GLIS3: variants seen among roughly 807,000 people sequenced by gnomAD.
GLIS3 encodes the protein GLIS family zinc finger 3, also known as zinc finger protein GLIS3.
In GLIS3, 53 loss-of-function variants were observed where a neutral mutation model predicts 78.6. That is an observed-to-expected ratio of 0.67 (90% confidence interval 0.54 to 0.85). The LOEUF is 0.85. GLIS3 is among the 40% of genes least tolerant of loss of function. GLIS3 has a pLI of 0.00. For missense variants in GLIS3, 1,703 were observed against 1,231.1 expected, an observed-to-expected ratio of 1.38 and a Z score of -5.74; for synonymous variants, 684 against 509.9, an observed-to-expected ratio of 1.34 and a Z score of -4.60.
intron 2 of GLIS3, among the ~76,000 whole-genome samples, chr9:4,338,050 G>A (rs1313257541): frequency 9.2e-6 from 1 of 108,566 alleles, no homozygotes; most frequent in Non-Finnish European, 2.1e-5. Flanking sequence ...GTGTGTGTGT[G>A]TGTGTGTGTG....
chr9:4,477,885 A>T, the GLIS3 span, among the ~76,000 whole-genome samples: 2 of 152,346 alleles, frequency 1.3e-5, no homozygotes, highest in Admixed American at 6.5e-5. Context: ...ATATTATACC[A>T]TAATAAAAAA....
At chr9:4,173,909 T>A (rs1425981225) in intron 2 of GLIS3, among the ~76,000 whole-genome samples, 1 of 128,792 alleles carries the variant, frequency 7.8e-6, no homozygotes, top group Non-Finnish European at 1.7e-5. Flanking sequence ...GAGTACCCAG[T>A]TAAAACACAC....
At chr9:4,431,320 C>T in the GLIS3 span, among the ~76,000 whole-genome samples, 7,642 of 152,252 alleles carry the variant, frequency 0.05, 273 homozygotes, top group Middle Eastern at 0.071. Context: ...ATCCTTACTT[C>T]GCTCTTGTAT....
chr9:4,086,326 T>C (rs1293204430), intron 4 of GLIS3, among the ~76,000 whole-genome samples: 3 of 152,194 alleles, frequency 2.0e-5, no homozygotes, highest in African/African-American at 7.2e-5. Context: ...GAGTCATTCA[T>C]TCCCTCCTCT....
chr9:3,952,142 T>A (rs567773916), intron 4 of GLIS3, among the ~76,000 whole-genome samples: 1 of 152,272 alleles, frequency 6.6e-6, no homozygotes, highest in Admixed American at 6.5e-5. Context: ...CTCCCTAGAC[T>A]TTTGGTGTTT....
intron 2 of GLIS3, among the ~76,000 whole-genome samples, chr9:4,209,639 T>C (rs886439241): frequency 1.3e-5 from 2 of 152,200 alleles, no homozygotes; most frequent in South Asian, 2.1e-4. Context: ...CAGGAGAGGC[T>C]CACTGCTAGA....
At chr9:4,199,597 A>G (rs1478627093) in intron 2 of GLIS3, among the ~76,000 whole-genome samples, 1 of 151,930 alleles carries the variant, frequency 6.6e-6, no homozygotes, top group East Asian at 1.9e-4. Flanking sequence ...CAATTCAACA[A>G]GAAGACTTAA....
intron 2 of GLIS3, among the ~76,000 whole-genome samples, chr9:4,327,290 G>C (rs1817615625): frequency 6.6e-6 from 1 of 152,214 alleles, no homozygotes; most frequent in Admixed American, 6.5e-5. Flanking sequence ...ACAGATGTCA[G>C]GGTGTAGGGC....
At chr9:4,157,914 C>G (rs1057439641) in intron 2 of GLIS3, among the ~76,000 whole-genome samples, 10 of 152,026 alleles carry the variant, frequency 6.6e-5, no homozygotes, top group Non-Finnish European at 1.2e-4. Flanking sequence ...AAATTTTATC[C>G]TCAAAAAACC....
chr9:4,298,216 C>G (rs1166422091), intron 1 of GLIS3, among the ~76,000 whole-genome samples: 1 of 152,058 alleles, frequency 6.6e-6, no homozygotes, highest in Admixed American at 6.5e-5. Context: ...CCCGGGGGCG[C>G]CACGGCCGGG....
At chr9:4,053,815 G>C (rs1336396248) in intron 4 of GLIS3, among the ~76,000 whole-genome samples, 2 of 151,568 alleles carry the variant, frequency 1.3e-5, no homozygotes, top group Non-Finnish European at 2.9e-5. Flanking sequence ...GCGAACTGTA[G>C]ACTGCTGAGA....
At chr9:3,876,416 C>G (rs1237154368) in intron 8 of GLIS3, among the ~76,000 whole-genome samples, 1 of 151,454 alleles carries the variant, frequency 6.6e-6, no homozygotes, top group Non-Finnish European at 1.5e-5. Flanking sequence ...ACATTATTCA[C>G]AAAATTTGGG....
the GLIS3 span, among the ~76,000 whole-genome samples, chr9:4,363,721 C>T: frequency 2.0e-5 from 3 of 152,148 alleles, no homozygotes; most frequent in African/African-American, 7.2e-5. Flanking sequence ...CACTGGTTCA[C>T]GTCTTTGCTC....
At position 3,829,230 on chromosome 9, in the gene GLIS3, G is replaced by T. The variant is rs189201164; in HGVS notation, c.2656+80C>A. 3.2e-6 allele frequency: 4 copies of T among 1,246,820 alleles called. No individual in the cohort carries two copies. In the Admixed American group the frequency reaches 6.9e-5, roughly 21 times the overall value. The allele number at this position is 1,246,820 out of a possible 1,614,324, so 77.2% of individuals were successfully genotyped here. A position where few individuals can be genotyped will look rare whatever the true frequency, so the allele number is the denominator to read the frequency against. ...GCGGTCATGTGCTTGGTCACGTCCA[G>T]CCCAGGTCGGTCACGGGCAGCCCAC... is the stretch of plus-strand genomic sequence containing the variant. On this transcript the variant is annotated intron_variant, in intron 10 of 10. Transcript: ENST00000381971.
intron 2 of GLIS3, among the ~76,000 whole-genome samples, chr9:4,181,553 T>C (rs966429633): frequency 3.3e-4 from 51 of 152,312 alleles, no homozygotes; most frequent in Middle Eastern, 3.4e-3. Context: ...TTAGAAATTT[T>C]CCCACCAAGC....
chr9:4,279,516 A>C (rs994715609), intron 2 of GLIS3, among the ~76,000 whole-genome samples: 1 of 151,848 alleles, frequency 6.6e-6, no homozygotes, highest in Non-Finnish European at 1.5e-5. Context: ...TGTGTCACTT[A>C]AGGGTGGTGT....
intron 8 of GLIS3, among the ~76,000 whole-genome samples, chr9:3,868,958 T>C (rs1357307090): frequency 6.6e-6 from 1 of 152,208 alleles, no homozygotes; most frequent in African/African-American, 2.4e-5. Context: ...TCTTTCTGTA[T>C]GCATCCACAG....
At position 4,286,472 on chromosome 9, in the gene GLIS3, T is replaced by A; in HGVS notation, c.-47A>T. 1 of 1,609,130 alleles carries A rather than the reference T, an allele frequency of 6.2e-7. No homozygotes were observed. Among genetic ancestry groups the A allele is most frequent in the Non-Finnish European group, 8.5e-7 (1 of 1,178,662 alleles). On this transcript the variant is annotated 5_prime_UTR_variant, in exon 2 of 11. Transcript: ENST00000381971. ...ACGGTCAAATATCCAATGTCACTAA[T>A]GACTCCTTTCAGGCAAAGTCCAATA...
intron 4 of GLIS3, among the ~76,000 whole-genome samples, chr9:3,999,215 G>A (rs150373929): frequency 0.014 from 2,188 of 152,216 alleles, 66 homozygotes; most frequent in African/African-American, 0.05. Context: ...ATATGTTGCT[G>A]TTACAAAGAC....
Sources: gnomAD v4.1 joint callset for allele counts (sites outside exome capture counted in the v4.1 genomes callset) on GRCh38, gnomAD v4.1.1 for gene constraint, MANE v1.5 for transcripts, NCBI Gene and HGNC (gene_info 2026-07-23, HGNC 2026-07-21) for gene names.